HEMK2: variants seen among roughly 807,000 people sequenced by gnomAD.
HEMK2 encodes HemK methyltransferase 2, ETF1 glutamine and histone H4 lysine.
chr21:28,627,648 C>T, the HEMK2 span, among the ~76,000 whole-genome samples: 90,124 of 152,032 alleles, frequency 0.59, 28,538 homozygotes, highest in African/African-American at 0.82. Context: ...TTTGTGTATA[C>T]AGTGAGGCAG....
chr21:28,788,908 C>T, the HEMK2 span, among the ~76,000 whole-genome samples: 1 of 151,994 alleles, frequency 6.6e-6, no homozygotes, highest in East Asian at 1.9e-4. Context: ...CCAGTGGAGA[C>T]AGCCATGTGA....
chr21:28,718,008 C>T, the HEMK2 span, among the ~76,000 whole-genome samples: 1 of 152,118 alleles, frequency 6.6e-6, no homozygotes, highest in Non-Finnish European at 1.5e-5. Context: ...CTTCTAGGTA[C>T]AATCTGAAAT....
chr21:28,656,883 G>T, the HEMK2 span, among the ~76,000 whole-genome samples: 1 of 152,012 alleles, frequency 6.6e-6, no homozygotes, highest in Non-Finnish European at 1.5e-5. Context: ...ATAACTCTCT[G>T]ATCCTTCATT....
At chr21:28,753,067 C>G in the HEMK2 span, among the ~76,000 whole-genome samples, 1 of 152,180 alleles carries the variant, frequency 6.6e-6, no homozygotes, top group Non-Finnish European at 1.5e-5. Flanking sequence ...TGCGATGGCT[C>G]TTAAGCAAGA....
the HEMK2 span, among the ~76,000 whole-genome samples, chr21:28,866,014 T>C: frequency 0.86 from 130,063 of 151,136 alleles, 56,381 homozygotes; most frequent in South Asian, 0.93. Context: ...AAGAATAGTA[T>C]AAGTTTTGGC....
the HEMK2 span, among the ~76,000 whole-genome samples, chr21:28,616,961 C>A: frequency 6.6e-6 from 1 of 152,106 alleles, no homozygotes. Context: ...CACAGTGATA[C>A]AAAGTATATA....
the HEMK2 span, among the ~76,000 whole-genome samples, chr21:28,880,982 A>G: frequency 6.7e-6 from 1 of 149,462 alleles, no homozygotes; most frequent in Non-Finnish European, 1.5e-5. Flanking sequence ...CGTCATTGTA[A>G]GAAAAGTGCA....
chr21:28,731,460 C>T, the HEMK2 span, among the ~76,000 whole-genome samples: 2 of 152,078 alleles, frequency 1.3e-5, no homozygotes, highest in Non-Finnish European at 1.5e-5. Flanking sequence ...AGGAATGATG[C>T]TGCCCCATTC....
chr21:28,788,207 T>TAC, the HEMK2 span, among the ~76,000 whole-genome samples: 57 of 128,854 alleles, frequency 4.4e-4, no homozygotes, highest in African/African-American at 1.4e-3. Flanking sequence ...TACGTATATA[T>TAC]ACGTATATAT....
the HEMK2 span, among the ~76,000 whole-genome samples, chr21:28,693,913 T>C: frequency 2.0e-5 from 3 of 152,242 alleles, no homozygotes; most frequent in Non-Finnish European, 4.4e-5. Context: ...TTCACTTCTT[T>C]ACCCACACAA....
chr21:28,649,283 CA>C, the HEMK2 span, among the ~76,000 whole-genome samples: 1 of 152,192 alleles, frequency 6.6e-6, no homozygotes, highest in Middle Eastern at 3.4e-3. Context: ...AGAATGTTCA[CA>C]AAAACTAAAC....
At chr21:28,596,172 A>G in the HEMK2 span, among the ~76,000 whole-genome samples, 1 of 151,702 alleles carries the variant, frequency 6.6e-6, no homozygotes, top group Non-Finnish European at 1.5e-5. Flanking sequence ...GCCCGCCACC[A>G]CACCTGGCTA....
the HEMK2 span, among the ~76,000 whole-genome samples, chr21:28,792,116 C>A: frequency 6.6e-6 from 1 of 152,034 alleles, no homozygotes; most frequent in Non-Finnish European, 1.5e-5. Context: ...CTGGAAATTA[C>A]CCTATATGGT....
At chr21:28,643,593 G>A in the HEMK2 span, among the ~76,000 whole-genome samples, 3 of 152,102 alleles carry the variant, frequency 2.0e-5, no homozygotes, top group Non-Finnish European at 4.4e-5. Flanking sequence ...TGGGAGGATC[G>A]CTTGAGCCTA....
At chr21:28,739,306 T>C in the HEMK2 span, among the ~76,000 whole-genome samples, 11 of 152,208 alleles carry the variant, frequency 7.2e-5, no homozygotes, top group Admixed American at 7.2e-4. Flanking sequence ...AAATTGGCCA[T>C]TCAGTTATTA....
At chr21:28,838,992 T>C in the HEMK2 span, among the ~76,000 whole-genome samples, 1 of 77,558 alleles carries the variant, frequency 1.3e-5, no homozygotes, top group African/African-American at 6.8e-5. Context: ...TATATATATA[T>C]ATATATATAC....
the HEMK2 span, among the ~76,000 whole-genome samples, chr21:28,665,997 A>C: frequency 2.6e-5 from 4 of 152,222 alleles, no homozygotes; most frequent in African/African-American, 9.6e-5. Flanking sequence ...GAGGGACATC[A>C]ATTTCTCTTA....
At chr21:28,857,938 T>C in the HEMK2 span, among the ~76,000 whole-genome samples, 1 of 152,182 alleles carries the variant, frequency 6.6e-6, no homozygotes, top group African/African-American at 2.4e-5. Context: ...GGTGTTAAGG[T>C]TGGCTTTGAC....
At chr21:28,707,289 T>C in the HEMK2 span, among the ~76,000 whole-genome samples, 7 of 148,314 alleles carry the variant, frequency 4.7e-5, no homozygotes, top group African/African-American at 1.8e-4. Flanking sequence ...GAAGTCTCAC[T>C]CTGTCACCCA....
Sources: allele counts gnomAD v4.1 joint callset (sites outside exome capture counted in the v4.1 genomes callset), GRCh38; gene constraint gnomAD v4.1.1; transcripts MANE v1.5; gene names NCBI Gene and HGNC (gene_info 2026-07-23, HGNC 2026-07-21).